The following KLHL24 variants were observed in gnomAD, a reference collection of about 807,000 sequenced individuals.
The protein encoded by KLHL24 is kelch-like protein 24.
Under a neutral mutation model 53.4 loss-of-function variants are expected in KLHL24, and 29 were observed. That is an observed-to-expected ratio of 0.54 (90% confidence interval 0.40 to 0.74). The LOEUF (loss-of-function observed/expected upper bound fraction) is 0.74, where lower values mean the gene tolerates loss of function less well. KLHL24 is among the 30% of genes least tolerant of loss of function. The pLI, the probability that KLHL24 is intolerant of heterozygous loss-of-function variation, is 0.00. For synonymous variants in KLHL24, 222 were observed against 253.7 expected, an observed-to-expected ratio of 0.88 and a Z score of 1.19; for missense variants, 504 against 744.0, an observed-to-expected ratio of 0.68 and a Z score of 3.75.
intron 3 of KLHL24, among the ~76,000 whole-genome samples, chr3:183,661,063 T>C: frequency 1.4e-5 from 1 of 70,066 alleles, no homozygotes; most frequent in African/African-American, 1.6e-4. Flanking sequence ...AGACTCCGTC[T>C]CAAAAAAAAA....
At chr3:183,647,144 G>A (rs1576895992) in intron 2 of KLHL24, among the ~76,000 whole-genome samples, 4 of 151,910 alleles carry the variant, frequency 2.6e-5, no homozygotes, top group East Asian at 3.9e-4. Context: ...AAAAAAGCTG[G>A]GCGCAGTGGC....
intron 1 of KLHL24, among the ~76,000 whole-genome samples, chr3:183,636,946 C>A (rs1019423376): frequency 6.6e-6 from 1 of 152,198 alleles, no homozygotes; most frequent in Non-Finnish European, 1.5e-5. Flanking sequence ...CCGTGGCCTG[C>A]CCTCCGAGGA....
intron 3 of KLHL24, among the ~76,000 whole-genome samples, chr3:183,651,508 G>A (rs1718112120): frequency 6.6e-6 from 1 of 152,126 alleles, no homozygotes; most frequent in South Asian, 2.1e-4. Context: ...GTAGCAAAGG[G>A]TCTTTGCAAC....
At position 183,679,343 on chromosome 3, in the gene KLHL24, C is replaced by A; in HGVS notation, c.*57C>A. On this transcript the variant is annotated 3_prime_UTR_variant, in exon 8 of 8. Transcript: ENST00000242810. The stretch of plus-strand genomic sequence containing the variant: ...GATCCAAGATGGGAGGTTTTAAAAA[C>A]TCTACAGTGGGAACTTCACATATCT... 1 of 1,334,814 alleles carries A rather than the reference C, an allele frequency of 7.5e-7. No homozygotes were observed. The highest frequency in any genetic ancestry group is 1.1e-6 in the Non-Finnish European group (1 of 934,872). 82.7% of individuals were successfully genotyped at this position (1,334,814 alleles called of 1,614,324 possible).
intron 3 of KLHL24, among the ~76,000 whole-genome samples, chr3:183,651,515 C>T (rs1576910106): frequency 6.6e-6 from 1 of 152,264 alleles, no homozygotes; most frequent in East Asian, 1.9e-4. Context: ...AGGGTCTTTG[C>T]AACTGTGCAT....
intron 1 of KLHL24, among the ~76,000 whole-genome samples, chr3:183,638,925 G>A (rs1354949738): frequency 6.6e-6 from 1 of 152,262 alleles, no homozygotes; most frequent in Non-Finnish European, 1.5e-5. Context: ...CTTTGGCTGG[G>A]TGCGGTGGCT....
At chr3:183,656,035 A>ATTTT (rs1164537420) in intron 3 of KLHL24, among the ~76,000 whole-genome samples, 1 of 104,438 alleles carries the variant, frequency 9.6e-6, no homozygotes, top group African/African-American at 4.4e-5. Context: ...TGCCCTTAGC[A>ATTTT]TCTTTTTTTT....
chr3:183,674,243 T>TTTTCTCTCTTTC (rs1035202843), intron 7 of KLHL24, among the ~76,000 whole-genome samples: 1 of 130,970 alleles, frequency 7.6e-6, no homozygotes. Flanking sequence ...TTAGCATCAA[T>TTTTCTCTCTTTC]TTTCTTTCTT....
chr3:183,667,907 T>TGCCTGGGCTGGG (rs1720801952), intron 5 of KLHL24, among the ~76,000 whole-genome samples: 1 of 151,542 alleles, frequency 6.6e-6, no homozygotes, highest in Non-Finnish European at 1.5e-5. Flanking sequence ...GAGATAATGT[T>TGCCTGGGCTGGG]TTATCCTGTT....
chr3:183,650,529 A>C lies in KLHL24; in HGVS notation c.173A>C (p.Glu58Ala). ...GAAAACATACTCCAGATATTTAATG[A>C]ATTTCGTGATAGCCGCTTATTCACA... ...HAENILQIFN[E>A]FRDSRLFTDV... is the part of the protein sequence containing the mutation. Residue 58 changes from glutamate to alanine, a missense_variant, in exon 3 of 8, where the codon GAA (glutamate) becomes GCA (alanine). Coordinates refer to ENST00000242810, the MANE Select transcript of KLHL24 (RefSeq NM_017644.3). The surrounding 1 kb of genome is among the most constrained non-coding windows in gnomAD (Gnocchi z 4.5). 1 of 1,614,118 alleles carries C rather than the reference A, an allele frequency of 6.2e-7. No individual in the cohort carries two copies. Among genetic ancestry groups the C allele is most frequent in the Non-Finnish European group, 8.5e-7 (1 of 1,180,018 alleles).
At chr3:183,670,919 T>G in intron 5 of KLHL24, 115 bp from the exon 6 acceptor site, 1 of 699,964 alleles carries the variant, frequency 1.4e-6, no homozygotes, top group Non-Finnish European at 2.4e-6. Context: ...TATATTGCAA[T>G]TATATTTATT....
In KLHL24 at chr3:183,663,908, T is replaced by C. The variant is rs1720149698; in HGVS notation, c.1105+266T>C. On this transcript the variant is annotated intron_variant, in intron 4 of 7. Transcript: ENST00000242810. This position sits in a 1 kb window ranked among gnomAD's most constrained non-coding sequence, Gnocchi z 4.9. ...GAGATCGAGACCATCCTGGCCAACA[T>C]GGTGAAACCCCATCTCTACTAAAAA... Among the ~76,000 whole-genome samples the C allele has an allele frequency of 6.6e-6, 1 of 152,074 alleles. No homozygotes were observed.
At chr3:183,638,876 A>C (rs1379599241) in intron 1 of KLHL24, among the ~76,000 whole-genome samples, 1 of 152,228 alleles carries the variant, frequency 6.6e-6, no homozygotes, top group Admixed American at 6.5e-5. Flanking sequence ...AACATTTGGC[A>C]CATCTTAAAG....
In KLHL24 at chr3:183,650,369, T is replaced by C. The variant is rs142665840; in HGVS notation, c.13T>C (p.Leu5=). The change falls in exon 3 of 8, where the codon TTG becomes CTG. Residue 5 remains leucine, a synonymous_variant. Transcript: ENST00000242810. This position sits in a 1 kb window ranked among gnomAD's most constrained non-coding sequence, Gnocchi z 4.5. The part of the protein sequence containing the change: MVLI[L]GRRLNREDLG... Reference sequence around the variant, plus strand: ...AACTGATGTAACAATGGTACTAATATTGGGACGCAGACTAAACAGAGAGGA... The same window carrying C: ...AACTGATGTAACAATGGTACTAATACTGGGACGCAGACTAAACAGAGAGGA... 1.2e-4 allele frequency: 201 copies of C among 1,612,694 alleles called. 1 individual carries two copies. In the African/African-American group the frequency reaches 2.4e-3, roughly 19 times the overall value.
chr3:183,650,883 A>T lies in KLHL24; in HGVS notation c.527A>T (p.Asp176Val). ...TGCTTAGGAATCCAGCGCTTTGCTG[A>T]TACCCATTCACTCAAAACACTCTTC... Reference protein sequence around the residue: ...CNCLGIQRFADTHSLKTLFTK... With the variant: ...CNCLGIQRFAVTHSLKTLFTK... The change falls in exon 3 of 8, where the codon GAT becomes GTT. Residue 176 changes from aspartate to valine, a missense_variant. Transcript: ENST00000242810. This position sits in a 1 kb window ranked among gnomAD's most constrained non-coding sequence, Gnocchi z 4.5. 6.2e-7 allele frequency: 1 copy of T among 1,614,180 alleles called. No individual in the cohort carries two copies. Among genetic ancestry groups the T allele is most frequent in the Admixed American group, 1.7e-5 (1 of 60,022 alleles).
At position 183,663,623 on chromosome 3, in the gene KLHL24, G is replaced by T; in HGVS notation, c.1086G>T (p.Arg362Ser). The T allele has an allele frequency of 6.4e-7, 1 of 1,551,748 alleles. No homozygotes were observed. Among genetic ancestry groups the T allele is most frequent in the South Asian group, 1.2e-5 (1 of 80,182 alleles). The change falls in exon 4 of 8, where the codon AGG (arginine) becomes AGT (serine). Residue 362 changes from arginine (R) to serine (S), a missense_variant. Transcript: ENST00000242810. This position sits in a 1 kb window ranked among gnomAD's most constrained non-coding sequence, Gnocchi z 4.9. Reference sequence around the variant, plus strand: ...CAGAGTATGCAGTCTGTGCTCTAAGGAATGACATTCTTGTTTCAGGTAAAT... The same window carrying T: ...CAGAGTATGCAGTCTGTGCTCTAAGTAATGACATTCTTGTTTCAGGTAAAT... ...TKSEYAVCAL[R>S]NDILVSGGRI...
At chr3:183,678,704 T>G (rs778579941) in intron 7 of KLHL24, among the ~76,000 whole-genome samples, 3 of 152,264 alleles carry the variant, frequency 2.0e-5, no homozygotes, top group Non-Finnish European at 4.4e-5. Flanking sequence ...GTGTGTGTGT[T>G]GTTCCCCTCT....
intron 3 of KLHL24, among the ~76,000 whole-genome samples, chr3:183,658,389 A>G (rs1352345093): frequency 2.0e-5 from 3 of 152,118 alleles, no homozygotes. Context: ...ATTATAGAAC[A>G]TTTCAAACTT....
chr3:183,651,214 T>A lies in KLHL24; in HGVS notation c.858T>A (p.His286Gln), dbSNP rs1396071601. 1 of 1,614,182 alleles carries A rather than the reference T, an allele frequency of 6.2e-7. No individual in the cohort carries two copies. Among genetic ancestry groups the A allele is most frequent in the South Asian group, 1.1e-5 (1 of 91,086 alleles). ...QNSPECYQLL[H>Q]EARRYHILGN... ...CTCCTGAGTGTTATCAGTTGTTGCA[T>A]GAAGCAAGACGGTACCACATACTTG... Residue 286 changes from histidine (H) to glutamine (Q), a missense_variant, in exon 3 of 8, where the codon CAT becomes CAA. Coordinates refer to ENST00000242810, the MANE Select transcript of KLHL24 (RefSeq NM_017644.3).
Sources: gnomAD v4.1 joint callset for allele counts (sites outside exome capture counted in the v4.1 genomes callset) on GRCh38, gnomAD v4.1.1 for gene constraint, Gnocchi (gnomAD v3.1) non-coding constraint, MANE v1.5 for transcripts, NCBI Gene and HGNC (gene_info 2026-07-23, HGNC 2026-07-21) for gene names.